The following DAB1 variants were observed in gnomAD, a reference collection of about 807,000 sequenced individuals.
DAB1 encodes disabled homolog 1.
In DAB1, 15 loss-of-function variants were observed where a neutral mutation model predicts 64.6. That is an observed-to-expected ratio of 0.23 (90% CI 0.16 to 0.36). The LOEUF is 0.36. Among genes scored for constraint, DAB1 ranks in the 10% least tolerant of loss-of-function variants. DAB1 has a pLI of 1.00. For synonymous variants in DAB1, 235 were observed against 251.9 expected, an observed-to-expected ratio of 0.93 and a Z score of 0.64; for missense variants, 596 against 706.7, an observed-to-expected ratio of 0.84 and a Z score of 1.78.
intron 4 of DAB1, among the ~76,000 whole-genome samples, chr1:57,088,522 T>C (rs1317527618): frequency 1.3e-5 from 2 of 152,194 alleles, no homozygotes; most frequent in Non-Finnish European, 2.9e-5. Flanking sequence ...TCTCCCAGAC[T>C]CTTTGGAGGG....
intron 7 of DAB1, among the ~76,000 whole-genome samples, chr1:57,440,143 G>C (rs1374086953): frequency 1.3e-5 from 2 of 152,172 alleles, no homozygotes; most frequent in Admixed American, 1.3e-4. Context: ...AAACCTGGCT[G>C]AATGAAACCT....
At chr1:57,544,435 C>T (rs1477064025) in intron 7 of DAB1, among the ~76,000 whole-genome samples, 5 of 152,164 alleles carry the variant, frequency 3.3e-5, no homozygotes, top group East Asian at 1.9e-4. Context: ...CCTATAGTAA[C>T]GACTGGGTTG....
At chr1:57,732,268 G>T (rs930146605) in intron 6 of DAB1, among the ~76,000 whole-genome samples, 3 of 152,190 alleles carry the variant, frequency 2.0e-5, no homozygotes, top group Non-Finnish European at 2.9e-5. Context: ...GCTACCATTA[G>T]GGTGGGGGCA....
intron 1 of DAB1, among the ~76,000 whole-genome samples, chr1:57,358,041 T>C (rs1679262546): frequency 6.6e-6 from 1 of 152,132 alleles, no homozygotes; most frequent in Non-Finnish European, 1.5e-5. Context: ...GCTCTAACAG[T>C]TTTTTGGTAG....
At chr1:58,199,241 G>C (rs932234314) in intron 4 of DAB1, among the ~76,000 whole-genome samples, 3 of 152,222 alleles carry the variant, frequency 2.0e-5, no homozygotes, top group Admixed American at 6.5e-5. Flanking sequence ...ATGATGTCTT[G>C]TAAGGTCCTG....
intron 1 of DAB1, among the ~76,000 whole-genome samples, chr1:58,544,198 A>T (rs1384863324): frequency 6.6e-6 from 1 of 152,242 alleles, no homozygotes; most frequent in Non-Finnish European, 1.5e-5. Context: ...CAATGAACTT[A>T]AAAAATTTTA....
intron 2 of DAB1, among the ~76,000 whole-genome samples, chr1:57,254,630 C>T (rs895644697): frequency 1.3e-5 from 2 of 151,496 alleles, no homozygotes; most frequent in Admixed American, 6.6e-5. Flanking sequence ...GGCTAACCTC[C>T]TAAAAACACT....
chr1:57,345,217 T>C (rs1286485805), intron 1 of DAB1, among the ~76,000 whole-genome samples: 2 of 152,200 alleles, frequency 1.3e-5, no homozygotes, highest in Non-Finnish European at 2.9e-5. Context: ...ACCTGCCCCC[T>C]ATCGTGGATC....
rs570764709 is a variant in DAB1, at chr1:57,854,013, G to C, written n.88-27558C>G. The stretch of plus-strand genomic sequence containing the variant: ...TAATTCATCATTCAACACATATATA[G>C]AGTAAATATTAAATGCCTCTATGCT... On this transcript the variant is annotated intron_variant and non_coding_transcript_variant, in intron 1 of 1. Coordinates refer to the DAB1 transcript ENST00000477280. 1.5e-4 allele frequency among the ~76,000 whole-genome samples: 23 copies of C among 151,300 alleles called. No homozygotes were observed. The South Asian group carries it at 4.6e-3, about 30-fold the overall frequency.
chr1:57,350,296 C>A (rs1297224422), intron 1 of DAB1, among the ~76,000 whole-genome samples: 1 of 152,162 alleles, frequency 6.6e-6, no homozygotes, highest in Admixed American at 6.5e-5. Flanking sequence ...ATCCCACCAG[C>A]TTTTACGTGG....
At chr1:57,849,482 T>C (rs912498233) in intron 1 of DAB1, among the ~76,000 whole-genome samples, 1 of 152,188 alleles carries the variant, frequency 6.6e-6, no homozygotes. Context: ...TCCTTGAGAA[T>C]TTCAGAATTT....
chr1:57,123,126 G>A lies in DAB1; in HGVS notation c.306+13417C>T, dbSNP rs1656813687. The stretch of plus-strand genomic sequence containing the variant: ...AAGATTGTCAAGTTTTCTCCTCTTG[G>A]TGACATTTATGCATACGTGGAGAAT... On this transcript the variant is annotated intron_variant, in intron 4 of 14. Coordinates refer to ENST00000371236, the MANE Select transcript of DAB1 (RefSeq NM_001365792.1). 2.0e-5 allele frequency among the ~76,000 whole-genome samples: 3 copies of A among 152,154 alleles called. No homozygotes were observed. The South Asian group carries it at 6.2e-4, about 32-fold the overall frequency.
intron 5 of DAB1, among the ~76,000 whole-genome samples, chr1:58,017,615 AC>A (rs1646759543): frequency 6.6e-6 from 1 of 152,144 alleles, no homozygotes; most frequent in African/African-American, 2.4e-5. Flanking sequence ...TGGGCAAGTC[AC>A]CCAAACTCCC....
chr1:57,757,198 ATTTTTTTTT>A lies in DAB1; in HGVS notation n.552-107542_552-107534del, dbSNP rs375166170. 9.4e-4 allele frequency among the ~76,000 whole-genome samples: 85 copies of A among 90,088 alleles called. 3 individuals are homozygous for A. Among genetic ancestry groups the A allele is most frequent in the Admixed American group, 2.3e-3 (17 of 7,252 alleles). 59.1% of individuals were successfully genotyped at this position (90,088 alleles called of 152,430 possible). A position where few individuals can be genotyped will look rare whatever the true frequency, so the allele number is the denominator to read the frequency against. ...TCCATGCTGCTGGCCCAGGGGCAGA[ATTTTTTTTT>A]TTTTTTTTTTTTTAGCAGCAATGAT... On this transcript the variant is annotated intron_variant and non_coding_transcript_variant, in intron 6 of 20. Transcript: ENST00000485760.
At chr1:58,053,078 C>T (rs1291956444) in intron 5 of DAB1, among the ~76,000 whole-genome samples, 1 of 152,154 alleles carries the variant, frequency 6.6e-6, no homozygotes. Flanking sequence ...TAAGAACTTA[C>T]TCACTTCCAA....
chr1:57,823,173 T>C (rs852772), downstream of DAB1, among the ~76,000 whole-genome samples: 91,149 of 151,502 alleles, frequency 0.6, 27,679 homozygotes, highest in African/African-American at 0.68. Context: ...TTAGTAGAGA[T>C]GGGGTTTCAC....
At chr1:57,195,588 C>T (rs1379864333) in intron 2 of DAB1, among the ~76,000 whole-genome samples, 1 of 152,224 alleles carries the variant, frequency 6.6e-6, no homozygotes, top group Admixed American at 6.5e-5. Context: ...ACCCAGTTCT[C>T]TCTAAAATCA....
At chr1:57,085,772 G>C (rs1653011616) in intron 4 of DAB1, among the ~76,000 whole-genome samples, 2 of 152,146 alleles carry the variant, frequency 1.3e-5, no homozygotes, top group Admixed American at 6.5e-5. Flanking sequence ...CTCGCACACT[G>C]TATGACACTT....
intron 3 of DAB1, among the ~76,000 whole-genome samples, chr1:58,475,110 A>G (rs1645405795): frequency 6.6e-6 from 1 of 152,144 alleles, no homozygotes; most frequent in African/African-American, 2.4e-5. Flanking sequence ...AATCAGGAGC[A>G]CTCTCCAGAC....
Sources: gnomAD v4.1 joint callset for allele counts (sites outside exome capture counted in the v4.1 genomes callset) on GRCh38, gnomAD v4.1.1 for gene constraint, MANE v1.5 for transcripts, NCBI Gene and HGNC (gene_info 2026-07-23, HGNC 2026-07-21) for gene names.